APC: variants seen among roughly 807,000 people sequenced by gnomAD.
APC encodes the protein adenomatous polyposis coli protein.
APC carries 72 observed loss-of-function variants against 247.0 expected under a neutral mutation model. The observed-to-expected ratio is 0.29, with a 90% CI of 0.24 to 0.35. The LOEUF (loss-of-function observed/expected upper bound fraction) is 0.35. APC is among the 10% of genes least tolerant of loss of function. APC has a pLI of 1.00. For missense variants in APC, 3,400 were observed against 3,360.7 expected (o/e 1.01, Z -0.29); for synonymous variants, 1,254 against 1,162.5 (o/e 1.08, Z -1.60).
chr5:112,765,036 A>G (rs1052810271), intron 2 of APC, among the ~76,000 whole-genome samples: 10 of 152,182 alleles, frequency 6.6e-5, no homozygotes, highest in Admixed American at 1.3e-4. Flanking sequence ...ACTCCAACAT[A>G]GTCTATTATT....
At chr5:112,723,175 A>C (rs1191492401) in intron 1 of APC, among the ~76,000 whole-genome samples, 1 of 152,122 alleles carries the variant, frequency 6.6e-6, no homozygotes, top group East Asian at 1.9e-4. Context: ...TAAGCATTAT[A>C]GTAGTGAAGA....
chr5:112,832,222 T>C (rs1764370798), intron 14 of APC, among the ~76,000 whole-genome samples: 1 of 152,176 alleles, frequency 6.6e-6, no homozygotes, highest in South Asian at 2.1e-4. Context: ...AGAGGAACTT[T>C]TGTATTTTTC....
intron 8 of APC, among the ~76,000 whole-genome samples, chr5:112,803,930 A>G (rs1255522894): frequency 6.6e-6 from 1 of 151,972 alleles, no homozygotes; most frequent in Non-Finnish European, 1.5e-5. Flanking sequence ...GTGGCTACTC[A>G]CCTCCCATAT....
chr5:112,814,110 C>A (rs1464703069), intron 8 of APC, among the ~76,000 whole-genome samples: 1 of 152,230 alleles, frequency 6.6e-6, no homozygotes, highest in Non-Finnish European at 1.5e-5. Context: ...AATAAAGTTT[C>A]TGTCCTCAAA....
At chr5:112,821,813 C>T in intron 10 of APC, 83 bp from the exon 11 acceptor site, 2 of 1,073,728 alleles carry the variant, frequency 1.9e-6, no homozygotes, top group South Asian at 1.3e-5. Flanking sequence ...TATTAGTGAT[C>T]CCTGCATATT....
chr5:112,829,659 C>T (rs1195351003), intron 14 of APC: 2 of 152,410 alleles, frequency 1.3e-5, no homozygotes, highest in East Asian at 3.8e-4. Context: ...CCTTTGCCAA[C>T]TGGCTGCCAG....
intron 7 of APC, among the ~76,000 whole-genome samples, chr5:112,798,217 A>T (rs1307045185): frequency 6.6e-6 from 1 of 152,238 alleles, no homozygotes; most frequent in Non-Finnish European, 1.5e-5. Flanking sequence ...AAAATTTGTT[A>T]TATCCCTTCA....
intron 8 of APC, 138 bp downstream of exon 8, chr5:112,801,521 C>A: frequency 1.6e-6 from 1 of 610,040 alleles, no homozygotes; most frequent in Non-Finnish European, 2.9e-6. Context: ...GCATTCAGTA[C>A]CAATGTGCTG....
intron 11 of APC, 34 bp from the exon 12 acceptor site, chr5:112,827,074 G>A: frequency 6.2e-7 from 1 of 1,610,686 alleles, no homozygotes; most frequent in South Asian, 1.1e-5. Context: ...TATTTTAGAT[G>A]ATTGTCTTTT....
At position 112,707,546 on chromosome 5, in the gene APC, A is replaced by AG. The variant is rs1750574582; in HGVS notation, c.-167dup. 4 of 544,956 alleles carry AG rather than the reference A, an allele frequency of 7.3e-6. No homozygotes were observed. Among genetic ancestry groups the AG allele is most frequent in the Non-Finnish European group, 1.2e-5 (4 of 323,512 alleles). 33.8% of individuals were successfully genotyped at this position (544,956 alleles called of 1,614,324 possible). ...ACAAGATGGCGGAGGGCAAGTAGCA[A>AG]GGGGGCGGGGTGTGGCCGCCGGAAG... On this transcript the variant is annotated 5_prime_UTR_variant, in exon 1 of 14. Coordinates refer to the APC transcript ENST00000507379.
At chr5:112,814,600 C>G (rs1468942086) in intron 8 of APC, among the ~76,000 whole-genome samples, 1 of 152,120 alleles carries the variant, frequency 6.6e-6, no homozygotes, top group East Asian at 1.9e-4. Flanking sequence ...TTAGTTTGTG[C>G]CCTCAGAACC....
rs992461514 is a variant in APC, at chr5:112,766,285, A to G, written c.136-41A>G. ...AAATACAGAATCATGTCTTGAAGTTATTTAGAATTTCATGTTAATATATTG... is the reference window on the plus strand; with the variant it reads ...AAATACAGAATCATGTCTTGAAGTTGTTTAGAATTTCATGTTAATATATTG... On this transcript the variant is annotated intron_variant, in intron 2 of 15. Coordinates refer to ENST00000257430, the MANE Select transcript of APC (RefSeq NM_000038.6). 10 of 1,379,324 alleles carry G rather than the reference A, an allele frequency of 7.2e-6. No homozygotes were observed. The Admixed American group carries it at 1.0e-4, about 14-fold the overall frequency. 85.4% of individuals were successfully genotyped at this position (1,379,324 alleles called of 1,614,324 possible).
intron 10 of APC, 26 bp downstream of exon 10, chr5:112,819,370 AG>A: frequency 6.2e-7 from 1 of 1,613,880 alleles, no homozygotes; most frequent in Non-Finnish European, 8.5e-7. Context: ...TGTACATCGT[AG>A]TGCATGTTTC....
At chr5:112,761,621 A>G (rs1300759827) in intron 2 of APC, among the ~76,000 whole-genome samples, 2 of 152,202 alleles carry the variant, frequency 1.3e-5, no homozygotes, top group Non-Finnish European at 2.9e-5. Flanking sequence ...GGAAAAAACA[A>G]AAAAGACAAA....
intron 1 of APC, among the ~76,000 whole-genome samples, chr5:112,740,728 G>A (rs1752917058): frequency 6.6e-6 from 1 of 151,744 alleles, no homozygotes; most frequent in Non-Finnish European, 1.5e-5. Flanking sequence ...GTTTCACCAT[G>A]TTGCCCAGGG....
At chr5:112,807,059 G>A (rs1309555249) in intron 8 of APC, among the ~76,000 whole-genome samples, 1 of 151,892 alleles carries the variant, frequency 6.6e-6, no homozygotes, top group Non-Finnish European at 1.5e-5. Context: ...CTTGAACCTA[G>A]GAGGCTGAGG....
intron 1 of APC, among the ~76,000 whole-genome samples, chr5:112,727,824 G>T: frequency 6.6e-6 from 1 of 151,764 alleles, no homozygotes; most frequent in Non-Finnish European, 1.5e-5. Flanking sequence ...TTGTAAAATT[G>T]TACTTTTGGG....
chr5:112,839,677 C>G lies in APC; in HGVS notation c.4083C>G (p.Pro1361=), dbSNP rs1464598628. Residue 1361 remains proline, a synonymous_variant, in exon 16 of 16, where the codon CCC becomes CCG. Coordinates refer to ENST00000257430, the MANE Select transcript of APC (RefSeq NM_000038.6). This position sits in a 1 kb window ranked among gnomAD's most constrained non-coding sequence, Gnocchi z 5.0. Reference sequence around the variant, plus strand: ...AATTTTCTTCAGGAGCGAAATCTCCCTCCAAAAGTGGTGCTCAGACACCCA... The same window carrying G: ...AATTTTCTTCAGGAGCGAAATCTCCGTCCAAAAGTGGTGCTCAGACACCCA... The part of the protein sequence containing the change: ...AVEFSSGAKS[P]SKSGAQTPKS... 1 of 1,614,140 alleles carries G rather than the reference C, an allele frequency of 6.2e-7. No individual in the cohort carries two copies. Among genetic ancestry groups the G allele is most frequent in the South Asian group, 1.1e-5 (1 of 91,074 alleles).
At chr5:112,821,814 C>T in intron 10 of APC, 82 bp from the exon 11 acceptor site, 2 of 1,087,412 alleles carry the variant, frequency 1.8e-6, no homozygotes, top group Non-Finnish European at 2.8e-6. Flanking sequence ...ATTAGTGATC[C>T]CTGCATATTT....
Sources: gnomAD v4.1 joint callset for allele counts (sites outside exome capture counted in the v4.1 genomes callset) on GRCh38, gnomAD v4.1.1 for gene constraint, Gnocchi (gnomAD v3.1) non-coding constraint, MANE v1.5 for transcripts, NCBI Gene and HGNC (gene_info 2026-07-23, HGNC 2026-07-21) for gene names.